Variants in NINL observed in about 807,000 individuals in gnomAD.
NINL encodes the protein ninein-like protein.
In NINL, 153 loss-of-function variants were observed where a neutral mutation model predicts 160.3. The observed-to-expected ratio is 0.95, with a 90% CI of 0.84 to 1.09. The LOEUF is 1.09. NINL is among the 50% of genes least tolerant of loss of function. The pLI is 0.00. For synonymous variants in NINL, 800 were observed against 734.8 expected (o/e 1.09, Z -1.43); for missense variants, 1,829 against 1,764.0 (o/e 1.04, Z -0.66).
intron 13 of NINL, among the ~76,000 whole-genome samples, chr20:25,487,612 G>A (rs1323582006): frequency 6.6e-6 from 1 of 152,166 alleles, no homozygotes; most frequent in African/African-American, 2.4e-5. Flanking sequence ...TGAAAAAAAT[G>A]TTTCTGTACA....
At chr20:25,463,982 T>C (rs59604901) in intron 19 of NINL, among the ~76,000 whole-genome samples, 7,095 of 152,278 alleles carry the variant, frequency 0.047, 167 homozygotes, top group Non-Finnish European at 0.06. Flanking sequence ...TTGTGAAAAT[T>C]AGAATTGTTT....
chr20:25,569,804 C>T lies in NINL; in HGVS notation c.-12+15651G>A, dbSNP rs140720108. ...AGGGCCACAACTGAGCCCCACTACC[C>T]TTGTCACTATGGAAATGTCACGACT... On this transcript the variant is annotated intron_variant, in intron 1 of 23. Transcript: ENST00000278886. Among the ~76,000 whole-genome samples, 434 of 152,270 alleles carry T rather than the reference C, an allele frequency of 2.9e-3. 2 individuals are homozygous for T. The highest frequency in any genetic ancestry group is 0.024 in the Middle Eastern group (7 of 294).
chr20:25,573,297 C>T (rs35884446), intron 1 of NINL, among the ~76,000 whole-genome samples: 1 of 51,564 alleles, frequency 1.9e-5, no homozygotes, highest in Non-Finnish European at 5.2e-5. Flanking sequence ...AACTCCATCT[C>T]AAAAAAAAAA....
At position 25,481,977 on chromosome 20, in the gene NINL, C is replaced by G. The variant is rs763077917; in HGVS notation, c.1801G>C (p.Gly601Arg). 6.3e-7 allele frequency: 1 copy of G among 1,597,174 alleles called. No homozygotes were observed. Among genetic ancestry groups the G allele is most frequent in the Admixed American group, 1.7e-5 (1 of 59,954 alleles). Residue 601 changes from glycine (G) to arginine (R), a missense_variant, in exon 14 of 24, where the codon GGC becomes CGC. By Grantham distance (125) the Gly-to-Arg change is moderately radical. Transcript: ENST00000278886. ...AGGGACGGGCTCCTACCTGCTGGGC[C>G]GAGTCCAGGGAGCTGCCGTCTGCGC... ...DGRRRQLPGL[G>R]PAGISFLGNS...
chr20:25,460,289 C>T (rs1460987509), intron 21 of NINL, among the ~76,000 whole-genome samples: 1 of 152,218 alleles, frequency 6.6e-6, no homozygotes, highest in Non-Finnish European at 1.5e-5. Context: ...TGGAAGCCCC[C>T]AGCTTCCTGA....
chr20:25,464,761 T>C (rs1264520533), intron 19 of NINL, among the ~76,000 whole-genome samples: 10 of 152,208 alleles, frequency 6.6e-5, no homozygotes, highest in Admixed American at 6.5e-4. Flanking sequence ...CTGGGCCCTG[T>C]CCAGCTGTTT....
At chr20:25,538,429 C>G (rs1052233093) in intron 1 of NINL, among the ~76,000 whole-genome samples, 1 of 152,180 alleles carries the variant, frequency 6.6e-6, no homozygotes, top group Non-Finnish European at 1.5e-5. Context: ...TAAATTACAC[C>G]CACATTTGCT....
chr20:25,530,372 T>C (rs2064435674), intron 1 of NINL, among the ~76,000 whole-genome samples: 1 of 152,204 alleles, frequency 6.6e-6, no homozygotes, highest in South Asian at 2.1e-4. Context: ...TTTTAAAAAA[T>C]ACAACGTGCT....
In NINL at chr20:25,500,909, G is replaced by A. The variant is rs551481364; in HGVS notation, c.963C>T (p.Phe321=). Residue 321 remains phenylalanine (F), a synonymous_variant, in exon 8 of 24, where the codon TTC becomes TTT. Coordinates refer to ENST00000278886, the MANE Select transcript of NINL (RefSeq NM_025176.6). ...LFSSIDDGSG[F]AFPDQVLAMW... ...TGGCCAGGACCTGATCAGGAAAAGC[G>A]AAGCCAGAACCATCGTCAATGCTGG... is the stretch of plus-strand genomic sequence containing the variant. The A allele has an allele frequency of 6.3e-5, 102 of 1,614,232 alleles. No homozygotes were observed. Among genetic ancestry groups the A allele is most frequent in the Non-Finnish European group, 7.3e-5 (86 of 1,180,048 alleles).
At chr20:25,485,011 C>T (rs1009771655) in intron 13 of NINL, among the ~76,000 whole-genome samples, 1 of 152,128 alleles carries the variant, frequency 6.6e-6, no homozygotes, top group Admixed American at 6.6e-5. Context: ...AGCCTCAGTG[C>T]TGTGAACAGG....
intron 3 of NINL, 66 bp downstream of exon 3, chr20:25,517,687 A>C (rs143181986): frequency 2.5e-6 from 3 of 1,218,750 alleles, no homozygotes; most frequent in African/African-American, 3.2e-5. Context: ...TTCTTTCATT[A>C]GAATATTACA....
At chr20:25,464,417 AAAAC>A (rs71312677) in intron 19 of NINL, among the ~76,000 whole-genome samples, 18,843 of 151,504 alleles carry the variant, frequency 0.12, 1,854 homozygotes, top group African/African-American at 0.25. Context: ...ACTCCATCTC[AAAAC>A]AAACAAACAA....
intron 13 of NINL, among the ~76,000 whole-genome samples, chr20:25,483,467 C>T (rs1214260030): frequency 6.6e-6 from 1 of 152,280 alleles, no homozygotes; most frequent in African/African-American, 2.4e-5. Flanking sequence ...GGATAGGATT[C>T]CTTCCTCAGC....
Position 25,533,136 on chromosome 20 carries a change from C to T in NINL, c.-11-6538G>A, listed in dbSNP as rs114374975. Among the ~76,000 whole-genome samples the T allele has an allele frequency of 6.5e-3, 990 of 152,222 alleles. 11 individuals are homozygous for T. The highest frequency in any genetic ancestry group is 0.02 in the African/African-American group (825 of 41,516). On this transcript the variant is annotated intron_variant, in intron 1 of 23. Transcript: ENST00000278886. ...ACGACAGCAGACAAACCATGAACCC[C>T]GCAGAACTGTGGAGGGTCTCAGAAG...
intron 2 of NINL, among the ~76,000 whole-genome samples, chr20:25,526,175 T>A (rs1289199004): frequency 6.6e-6 from 1 of 152,152 alleles, no homozygotes; most frequent in Non-Finnish European, 1.5e-5. Flanking sequence ...AATATCTCTC[T>A]GGAAAAACAA....
intron 18 of NINL, among the ~76,000 whole-genome samples, 161 bp from the exon 19 acceptor site, chr20:25,467,619 T>A (rs2062949231): frequency 6.6e-6 from 1 of 152,146 alleles, no homozygotes; most frequent in South Asian, 2.1e-4. Flanking sequence ...TCCCTGCTGT[T>A]GCCACTACTA....
At chr20:25,557,272 T>C (rs1281682998) in intron 1 of NINL, among the ~76,000 whole-genome samples, 2 of 152,190 alleles carry the variant, frequency 1.3e-5, no homozygotes, top group African/African-American at 4.8e-5. Flanking sequence ...GGCTCACACC[T>C]GTAATCCTAG....
At chr20:25,543,353 T>C (rs2064693122) in intron 1 of NINL, among the ~76,000 whole-genome samples, 1 of 152,116 alleles carries the variant, frequency 6.6e-6, no homozygotes. Flanking sequence ...AGGTCCAGAC[T>C]AGCCTGGGCA....
chr20:25,524,320 G>C (rs2064315329), intron 2 of NINL, among the ~76,000 whole-genome samples: 2 of 152,228 alleles, frequency 1.3e-5, no homozygotes, highest in Admixed American at 1.3e-4. Flanking sequence ...GATAACGTCA[G>C]AGCAGAGTCG....
Sources: allele counts gnomAD v4.1 joint callset (sites outside exome capture counted in the v4.1 genomes callset), GRCh38; gene constraint gnomAD v4.1.1; transcripts MANE v1.5; gene names NCBI Gene and HGNC (gene_info 2026-07-23, HGNC 2026-07-21).